The following VPS35L variants were observed in gnomAD, a reference collection of about 807,000 sequenced individuals.
VPS35L encodes VPS35 endosomal protein sorting factor like, also known as VPS35 endosomal protein-sorting factor-like.
In VPS35L, 83 loss-of-function variants were observed where a neutral mutation model predicts 133.0. That is an observed-to-expected ratio of 0.62 (90% CI 0.52 to 0.75). The LOEUF (loss-of-function observed/expected upper bound fraction) is 0.75. Among genes scored for constraint, VPS35L ranks in the 30% least tolerant of loss-of-function variants. The pLI is 0.00. For missense variants in VPS35L, 1,083 were observed against 1,206.8 expected (o/e 0.90, Z 1.52); for synonymous variants, 423 against 449.9 (o/e 0.94, Z 0.76).
intron 20 of VPS35L, among the ~76,000 whole-genome samples, chr16:19,638,188 G>A (rs1475813767): frequency 6.6e-6 from 1 of 152,168 alleles, no homozygotes; most frequent in Non-Finnish European, 1.5e-5. Context: ...AACATTCTCT[G>A]TCTCTCCCTT....
At chr16:19,636,906 A>G (rs1192238884) in intron 19 of VPS35L, among the ~76,000 whole-genome samples, 1 of 152,014 alleles carries the variant, frequency 6.6e-6, no homozygotes, top group African/African-American at 2.4e-5. Context: ...CTGTGCCACC[A>G]TCCTTGGGTA....
At chr16:19,601,565 C>T in intron 8 of VPS35L, 99 bp from the exon 9 acceptor site, 1 of 1,201,348 alleles carries the variant, frequency 8.3e-7, no homozygotes, top group South Asian at 1.4e-5. Flanking sequence ...TAAAGCCTGT[C>T]TGGGCGATGA....
rs138662905 is a variant in VPS35L at position 19,591,647 on chromosome 16, G to A, written c.640-143G>A. 169 of 576,798 alleles carry A rather than the reference G, an allele frequency of 2.9e-4. No homozygotes were observed. In the East Asian group the frequency reaches 3.8e-3, roughly 13 times the overall value. 35.7% of individuals were successfully genotyped at this position (576,798 alleles called of 1,614,324 possible). A position where few individuals can be genotyped will look rare whatever the true frequency, so the allele number is the denominator to read the frequency against. ...AAGCACAGTGGTTTAGCTTGTCATT[G>A]TATGCTCAGCACCTCGCACAGGCCT... On this transcript the variant is annotated intron_variant, in intron 7 of 30. Transcript: ENST00000417362.
At chr16:19,684,656 C>G (rs1205904206) in intron 28 of VPS35L, among the ~76,000 whole-genome samples, 1 of 152,128 alleles carries the variant, frequency 6.6e-6, no homozygotes, top group Non-Finnish European at 1.5e-5. Context: ...AAGAGGAGAT[C>G]CAGAAAGACA....
At chr16:19,677,009 C>G (rs1404861222) in intron 27 of VPS35L, among the ~76,000 whole-genome samples, 1 of 151,694 alleles carries the variant, frequency 6.6e-6, no homozygotes, top group Non-Finnish European at 1.5e-5. Context: ...GCCAGGAGTT[C>G]GAGACCAGCC....
At chr16:19,601,342 TG>T (rs1972376352) in intron 8 of VPS35L, among the ~76,000 whole-genome samples, 1 of 152,186 alleles carries the variant, frequency 6.6e-6, no homozygotes, top group Non-Finnish European at 1.5e-5. Context: ...ATTCAGCCCG[TG>T]GGCTGCCTGT....
chr16:19,621,092 A>T (rs1345523277), intron 14 of VPS35L, among the ~76,000 whole-genome samples: 1 of 152,228 alleles, frequency 6.6e-6, no homozygotes. Flanking sequence ...AGAGTGAGGT[A>T]GATTTGTGTA....
intron 9 of VPS35L, among the ~76,000 whole-genome samples, chr16:19,606,598 G>A (rs1284028137): frequency 1.3e-5 from 2 of 152,064 alleles, no homozygotes; most frequent in Non-Finnish European, 2.9e-5. Context: ...GTACCTAGAG[G>A]TTTATCTTTT....
At chr16:19,587,903 G>A (rs373625050) in intron 7 of VPS35L, among the ~76,000 whole-genome samples, 40 of 148,772 alleles carry the variant, frequency 2.7e-4, no homozygotes, top group Admixed American at 1.5e-3. Flanking sequence ...AGGTTCAAGC[G>A]ATTTTCATAC....
At chr16:19,669,817 C>T (rs62024104) in intron 27 of VPS35L, among the ~76,000 whole-genome samples, 11,614 of 151,984 alleles carry the variant, frequency 0.076, 553 homozygotes, top group Non-Finnish European at 0.11. Flanking sequence ...ATTACAGGCG[C>T]CCGCCACCAC....
At chr16:19,631,022 TAATAA>T (rs968538357) in intron 18 of VPS35L, among the ~76,000 whole-genome samples, 11 of 151,742 alleles carry the variant, frequency 7.2e-5, no homozygotes, top group African/African-American at 2.7e-4. Context: ...ACAAAAATAA[TAATAA>T]AATAAGTCCT....
At chr16:19,656,962 G>GTTTTTTTT (rs1180404849) in intron 26 of VPS35L, among the ~76,000 whole-genome samples, 2 of 109,550 alleles carry the variant, frequency 1.8e-5, no homozygotes, top group Non-Finnish European at 1.8e-5. Context: ...AAAAGAACTT[G>GTTTTTTTT]TTTTTTTTTT....
At chr16:19,558,670 C>T (rs1395653878) in intron 1 of VPS35L, among the ~76,000 whole-genome samples, 1 of 152,098 alleles carries the variant, frequency 6.6e-6, no homozygotes, top group Admixed American at 6.5e-5. Flanking sequence ...CCTCTAATCC[C>T]AGCACTTTGG....
At chr16:19,610,993 G>A (rs1419044782) in intron 12 of VPS35L, among the ~76,000 whole-genome samples, 2 of 152,116 alleles carry the variant, frequency 1.3e-5, no homozygotes, top group Admixed American at 6.6e-5. Context: ...AACCAATGGA[G>A]GTTATATGGT....
intron 7 of VPS35L, among the ~76,000 whole-genome samples, chr16:19,588,348 G>A (rs1165803052): frequency 6.7e-6 from 1 of 150,364 alleles, no homozygotes; most frequent in African/African-American, 2.4e-5. Context: ...CACCATGCCC[G>A]GCTGATTTTT....
chr16:19,576,538 A>T (rs181174183), intron 5 of VPS35L, among the ~76,000 whole-genome samples: 1 of 152,186 alleles, frequency 6.6e-6, no homozygotes, highest in Admixed American at 6.5e-5. Context: ...GCAGGATGGG[A>T]CCCCAGAATT....
In VPS35L at chr16:19,588,187, G is replaced by GTATGTATTTATT. The variant is rs1555498177; in HGVS notation, c.640-3600_640-3599insGTATTTATTTAT. 6.7e-5 allele frequency among the ~76,000 whole-genome samples: 10 copies of GTATGTATTTATT among 149,860 alleles called. No individual in the cohort carries two copies. In the East Asian group the frequency reaches 1.0e-3, roughly 15 times the overall value. ...TGTATGTATGTATGTATGTATGTATGTATTTATTTATTGAGACAGAGTCTT... is the reference window on the plus strand; with the variant it reads ...TGTATGTATGTATGTATGTATGTATGTATGTATTTATTTATTTATTTATTGAGACAGAGTCTT... On this transcript the variant is annotated intron_variant, in intron 7 of 30. Coordinates refer to ENST00000417362, the MANE Select transcript of VPS35L (RefSeq NM_020314.7).
At chr16:19,606,819 G>A (rs377224841) in intron 9 of VPS35L, among the ~76,000 whole-genome samples, 8 of 151,978 alleles carry the variant, frequency 5.3e-5, no homozygotes, top group African/African-American at 1.2e-4. Context: ...ACTCTGTCTC[G>A]CTCTGCCCAG....
intron 26 of VPS35L, among the ~76,000 whole-genome samples, chr16:19,653,504 T>C (rs1293637798): frequency 6.6e-6 from 1 of 152,152 alleles, no homozygotes; most frequent in African/African-American, 2.4e-5. Context: ...TTGCTTGGGG[T>C]AGATCCACTC....
Sources: allele counts gnomAD v4.1 joint callset (sites outside exome capture counted in the v4.1 genomes callset), GRCh38; gene constraint gnomAD v4.1.1; transcripts MANE v1.5; gene names NCBI Gene and HGNC (gene_info 2026-07-23, HGNC 2026-07-21).